The following CLDN16 variants were observed in gnomAD, a reference collection of about 807,000 sequenced individuals.
CLDN16 encodes the protein claudin-16.
A neutral mutation model predicts 24.6 loss-of-function variants in CLDN16; 13 were observed. The observed-to-expected ratio is 0.53, with a 90% CI of 0.34 to 0.84. The LOEUF (loss-of-function observed/expected upper bound fraction) is 0.84, where lower values mean the gene tolerates loss of function less well. CLDN16 is among the 40% of genes least tolerant of loss of function. The pLI, the probability that CLDN16 is intolerant of heterozygous loss-of-function variation, is 0.01. For synonymous variants in CLDN16, 116 were observed against 106.7 expected (o/e 1.09, Z -0.54); for missense variants, 298 against 292.7 (o/e 1.02, Z -0.13).
chr3:190,325,930 A>G (rs1443977690), intron 1 of CLDN16, among the ~76,000 whole-genome samples: 1 of 152,224 alleles, frequency 6.6e-6, no homozygotes, highest in East Asian at 1.9e-4. Context: ...TAGTATTAAA[A>G]CATTCAGGTT....
rs1367325239 is a variant in CLDN16 at position 190,410,976 on chromosome 3, G to A, written c.*940G>A. 1 of 152,120 alleles carries A rather than the reference G, an allele frequency of 6.6e-6. No homozygotes were observed. Among genetic ancestry groups the A allele is most frequent in the Non-Finnish European group, 1.5e-5 (1 of 68,024 alleles). The allele number at this position is 152,120 out of a possible 1,614,324, so 9.4% of individuals were successfully genotyped here. The stretch of plus-strand genomic sequence containing the variant: ...TCACGACTTTACTTAAAAAATCAAT[G>A]TTGCGGCTGGGCACGGTAGCTCGCG... On this transcript the variant is annotated 3_prime_UTR_variant, in exon 5 of 5. Transcript: ENST00000264734.
chr3:190,297,222 T>A, the CLDN16 span, among the ~76,000 whole-genome samples: 1 of 152,028 alleles, frequency 6.6e-6, no homozygotes, highest in East Asian at 1.9e-4. Flanking sequence ...TTTAGACTCA[T>A]TTTTCAGTTT....
intron 1 of CLDN16, among the ~76,000 whole-genome samples, chr3:190,335,221 T>C (rs1043063564): frequency 4.2e-4 from 64 of 151,794 alleles, no homozygotes. Flanking sequence ...TTTTTGTATT[T>C]TTAGTAGGGA....
At chr3:190,406,041 A>G (rs1256365531) in intron 3 of CLDN16, among the ~76,000 whole-genome samples, 1 of 152,170 alleles carries the variant, frequency 6.6e-6, no homozygotes, top group African/African-American at 2.4e-5. Context: ...ACACTTGTAG[A>G]TATGTATGTG....
intron 1 of CLDN16, among the ~76,000 whole-genome samples, chr3:190,368,329 C>T (rs1163024258): frequency 4.0e-5 from 6 of 151,848 alleles, no homozygotes; most frequent in African/African-American, 9.7e-5. Flanking sequence ...CACAGAGGTC[C>T]GCCAACAATG....
intron 1 of CLDN16, among the ~76,000 whole-genome samples, chr3:190,332,197 A>T (rs556577696): frequency 6.6e-6 from 1 of 152,202 alleles, no homozygotes; most frequent in Non-Finnish European, 1.5e-5. Flanking sequence ...TATTCTACCT[A>T]CCATCATGAG....
In CLDN16 at chr3:190,408,224, C is replaced by T. The variant is rs987730704; in HGVS notation, c.383-90C>T. On this transcript the variant is annotated intron_variant, in intron 3 of 4. Coordinates refer to ENST00000264734, the MANE Select transcript of CLDN16 (RefSeq NM_006580.4). ...TTACTGTTTTTACCTCTCTGAATCACGCCAGCCATTTTGTGTAGTAAGCAG... is the reference window on the plus strand; with the variant it reads ...TTACTGTTTTTACCTCTCTGAATCATGCCAGCCATTTTGTGTAGTAAGCAG... The T allele has an allele frequency of 7.5e-5, 96 of 1,275,424 alleles. 1 individual carries two copies. Among genetic ancestry groups the T allele is most frequent in the Non-Finnish European group, 1.1e-4 (93 of 871,356 alleles). The allele number at this position is 1,275,424 out of a possible 1,614,324, so 79.0% of individuals were successfully genotyped here.
At chr3:190,363,458 A>G (rs904076037) in intron 1 of CLDN16, among the ~76,000 whole-genome samples, 5 of 149,704 alleles carry the variant, frequency 3.3e-5, no homozygotes, top group African/African-American at 1.2e-4. Flanking sequence ...TCACTTCTAC[A>G]AACTGTTTTC....
At chr3:190,356,190 A>G (rs2108638436) in intron 1 of CLDN16, among the ~76,000 whole-genome samples, 1 of 151,870 alleles carries the variant, frequency 6.6e-6, no homozygotes, top group Middle Eastern at 3.4e-3. Flanking sequence ...TTTAAGTAAT[A>G]TATTAGTAAT....
At chr3:190,312,487 G>C in the CLDN16 span, among the ~76,000 whole-genome samples, 2 of 152,086 alleles carry the variant, frequency 1.3e-5, no homozygotes, top group Non-Finnish European at 1.5e-5. Flanking sequence ...AGACCTGAAG[G>C]GTTCACATAT....
chr3:190,337,615 A>G (rs1717340152), intron 1 of CLDN16, among the ~76,000 whole-genome samples: 1 of 152,220 alleles, frequency 6.6e-6, no homozygotes, highest in Non-Finnish European at 1.5e-5. Context: ...CTTATATGAT[A>G]ATATTCTTTG....
At chr3:190,370,389 A>G (rs1345496972) in intron 1 of CLDN16, among the ~76,000 whole-genome samples, 1 of 151,970 alleles carries the variant, frequency 6.6e-6, no homozygotes, top group Non-Finnish European at 1.5e-5. Context: ...ACTTAAACTT[A>G]GTATTTTCCA....
At chr3:190,341,298 T>C (rs528188233) in intron 1 of CLDN16, among the ~76,000 whole-genome samples, 1 of 152,348 alleles carries the variant, frequency 6.6e-6, no homozygotes, top group South Asian at 2.1e-4. Flanking sequence ...TCTGCCTGGA[T>C]ATCAAGGTGT....
At chr3:190,396,072 T>C (rs759788627) in intron 1 of CLDN16, among the ~76,000 whole-genome samples, 1 of 152,134 alleles carries the variant, frequency 6.6e-6, no homozygotes, top group Non-Finnish European at 1.5e-5. Context: ...TATTTCAAGA[T>C]TGATAACAAA....
intron 1 of CLDN16, among the ~76,000 whole-genome samples, chr3:190,339,205 C>A (rs1482545305): frequency 6.6e-6 from 1 of 152,194 alleles, no homozygotes; most frequent in African/African-American, 2.4e-5. Flanking sequence ...TCCTTAAAGA[C>A]TTCTAAGTGT....
At chr3:190,392,581 T>C (rs756454586) in intron 1 of CLDN16, among the ~76,000 whole-genome samples, 14 of 152,204 alleles carry the variant, frequency 9.2e-5, no homozygotes, top group African/African-American at 3.4e-4. Context: ...ACTATGATAA[T>C]GAAAACCCTA....
intron 1 of CLDN16, among the ~76,000 whole-genome samples, chr3:190,369,843 C>T (rs191198437): frequency 4.6e-5 from 7 of 151,970 alleles, no homozygotes; most frequent in Admixed American, 2.0e-4. Context: ...AGCCCTGGCT[C>T]TGTTTAGACT....
chr3:190,322,441 TGA>T (rs1157664010), upstream of CLDN16: 1 of 569,182 alleles, frequency 1.8e-6, no homozygotes, highest in African/African-American at 1.9e-5. Context: ...GCTCGGGAAC[TGA>T]GACGCAGAAC....
chr3:190,332,442 C>G (rs935396603), intron 1 of CLDN16, among the ~76,000 whole-genome samples: 1 of 152,142 alleles, frequency 6.6e-6, no homozygotes, highest in African/African-American at 2.4e-5. Flanking sequence ...ACATTAATAA[C>G]ACCTTAAGTA....
Sources: gnomAD v4.1 joint callset for allele counts (sites outside exome capture counted in the v4.1 genomes callset) on GRCh38, gnomAD v4.1.1 for gene constraint, MANE v1.5 for transcripts, NCBI Gene and HGNC (gene_info 2026-07-23, HGNC 2026-07-21) for gene names.